KAT6B: variants seen among roughly 807,000 people sequenced by gnomAD.
KAT6B encodes the protein lysine acetyltransferase 6B, also known as histone acetyltransferase KAT6B.
Under a neutral mutation model 187.5 loss-of-function variants are expected in KAT6B, and 10 were observed. The observed-to-expected ratio is 0.05, with a 90% CI of 0.03 to 0.09. KAT6B has a LOEUF of 0.09. KAT6B is among the 10% of genes least tolerant of loss of function. The pLI is 1.00. For missense variants in KAT6B, 1,952 were observed against 2,558.9 expected (o/e 0.76, Z 5.12); for synonymous variants, 861 against 926.8 (o/e 0.93, Z 1.29).
intron 3 of KAT6B, among the ~76,000 whole-genome samples, chr10:74,898,491 C>T (rs1846142633): frequency 6.6e-6 from 1 of 151,850 alleles, no homozygotes; most frequent in South Asian, 2.1e-4. Context: ...TACTCTGTTG[C>T]TCAAGGCTGG....
intron 3 of KAT6B, among the ~76,000 whole-genome samples, chr10:74,862,234 CAGG>C: frequency 6.6e-6 from 1 of 152,270 alleles, no homozygotes; most frequent in East Asian, 1.9e-4. Flanking sequence ...TTTAGAGTTG[CAGG>C]AGATCTTTGA....
chr10:74,866,009 G>C (rs1843527582), intron 3 of KAT6B, among the ~76,000 whole-genome samples: 2 of 152,046 alleles, frequency 1.3e-5, no homozygotes, highest in Admixed American at 6.6e-5. Context: ...CACACATACA[G>C]AGGGCTGATT....
chr10:74,920,763 C>T (rs1004889015), intron 3 of KAT6B, among the ~76,000 whole-genome samples: 3 of 152,038 alleles, frequency 2.0e-5, no homozygotes, highest in African/African-American at 7.2e-5. Flanking sequence ...CCTTTTCGTT[C>T]GTAAGACTGC....
intron 6 of KAT6B, among the ~76,000 whole-genome samples, chr10:74,972,081 T>G (rs983698190): frequency 1.3e-5 from 2 of 152,152 alleles, no homozygotes; most frequent in African/African-American, 4.8e-5. Context: ...TATTTTATAC[T>G]GATAATTTTT....
rs1406309303 is a variant in KAT6B, at chr10:75,028,907, G to A, written c.4083G>A (p.Glu1361=). The A allele has an allele frequency of 6.4e-7, 1 of 1,573,712 alleles. No homozygotes were observed. The highest frequency in any genetic ancestry group is 8.7e-7 in the Non-Finnish European group (1 of 1,145,714). ...EEEEEEEEEE[E]EEEEEEEGEE... ...AGGAAGAGGAGGAGGAGGAGGAAGA[G>A]GAAGAAGAGGAAGAAGAGGAAGGGG... Residue 1361 remains glutamate (E), a synonymous_variant, in exon 18 of 18, where the codon GAG becomes GAA. Coordinates refer to ENST00000287239, the MANE Select transcript of KAT6B (RefSeq NM_012330.4).
intron 3 of KAT6B, among the ~76,000 whole-genome samples, chr10:74,870,952 A>C (rs1305739023): frequency 1.3e-5 from 2 of 148,476 alleles, no homozygotes; most frequent in African/African-American, 5.0e-5. Flanking sequence ...ATCTCGGCTC[A>C]CTGCAACCTC....
intron 3 of KAT6B, among the ~76,000 whole-genome samples, chr10:74,878,804 G>A (rs1007204117): frequency 1.3e-5 from 2 of 152,130 alleles, no homozygotes; most frequent in African/African-American, 4.8e-5. Context: ...GTTATGGTGA[G>A]TGGTGTCTGG....
At chr10:75,022,353 C>A in intron 16 of KAT6B, 122 bp downstream of exon 16, 2 of 1,056,120 alleles carry the variant, frequency 1.9e-6, no homozygotes, top group Non-Finnish European at 3.0e-6. Flanking sequence ...TATGTGTACC[C>A]AGTCCCGCTG....
At chr10:74,903,178 A>G (rs150655374) in intron 3 of KAT6B, among the ~76,000 whole-genome samples, 230 of 152,296 alleles carry the variant, frequency 1.5e-3, no homozygotes, top group African/African-American at 4.9e-3. Flanking sequence ...GGTGGCATTC[A>G]TTACCTTGTC....
intron 13 of KAT6B, among the ~76,000 whole-genome samples, chr10:74,997,375 A>G (rs1843511703): frequency 6.6e-6 from 1 of 152,138 alleles, no homozygotes; most frequent in Admixed American, 6.5e-5. Context: ...ACATGTGCCA[A>G]CCCCTTTCCT....
At chr10:74,961,333 A>C (rs1283365642) in intron 4 of KAT6B, among the ~76,000 whole-genome samples, 1 of 152,106 alleles carries the variant, frequency 6.6e-6, no homozygotes, top group African/African-American at 2.4e-5. Flanking sequence ...TGAATGAATT[A>C]TTCTTTTGTG....
intron 3 of KAT6B, among the ~76,000 whole-genome samples, chr10:74,883,838 T>C (rs943515531): frequency 6.6e-6 from 1 of 152,214 alleles, no homozygotes; most frequent in Non-Finnish European, 1.5e-5. Context: ...TATGTGCTTC[T>C]TAGCCCTCTC....
At chr10:75,023,569 A>C (rs1845596821) in intron 16 of KAT6B, 1 of 152,228 alleles carries the variant, frequency 6.6e-6, no homozygotes, top group Non-Finnish European at 1.5e-5. Context: ...GGCTTCCCTC[A>C]TATTAGGGAA....
chr10:75,008,964 A>G (rs766123834), intron 13 of KAT6B, among the ~76,000 whole-genome samples: 2 of 152,206 alleles, frequency 1.3e-5, no homozygotes, highest in Non-Finnish European at 2.9e-5. Context: ...CTCAATCTCC[A>G]TTCTCCTGCA....
At chr10:74,929,254 G>A (rs1405865333) in intron 3 of KAT6B, among the ~76,000 whole-genome samples, 3 of 152,102 alleles carry the variant, frequency 2.0e-5, no homozygotes, top group Non-Finnish European at 2.9e-5. Context: ...TAATCAGAAT[G>A]TCTGATTTAT....
Position 75,028,563 on chromosome 10 carries a change from G to A in KAT6B, c.3739G>A (p.Val1247Met), listed in dbSNP as rs1452765240. The A allele has an allele frequency of 1.9e-6, 3 of 1,614,050 alleles. No homozygotes were observed. The highest frequency in any genetic ancestry group is 2.5e-6 in the Non-Finnish European group (3 of 1,180,044). Residue 1247 changes from valine (V) to methionine (M), a missense_variant, in exon 18 of 18, where the codon GTG (valine) becomes ATG (methionine). This residue lies in a region of KAT6B where 758 missense variants were observed against 891.4 expected (regional missense o/e 0.85). Transcript: ENST00000287239. ...TCCCGAACCTCTAAAGTGCAAACAA[G>A]TGTGGCCAAAAGGAACAAAGCGCGG... Reference protein sequence around the residue: ...DNPEPLKCKQVWPKGTKRGLS... With the variant: ...DNPEPLKCKQMWPKGTKRGLS...
Position 74,843,425 on chromosome 10 carries a change from G to C in KAT6B, c.568G>C (p.Ala190Pro). The change falls in exon 3 of 18, where the codon GCA (alanine) becomes CCA (proline). Residue 190 changes from alanine (A) to proline (P), a missense_variant. Physicochemically the swap from Ala to Pro is conservative, Grantham distance 27. Coordinates refer to ENST00000287239, the MANE Select transcript of KAT6B (RefSeq NM_012330.4). ...DGKGAPQYPS[A>P]FPSSLPPVSL... Reference sequence around the variant, plus strand: ...CAAAGGGGCACCTCAGTATCCCAGTGCATTCCCATCCTCGCTCCCACCTGT... The same window carrying C: ...CAAAGGGGCACCTCAGTATCCCAGTCCATTCCCATCCTCGCTCCCACCTGT... 6.2e-7 allele frequency: 1 copy of C among 1,614,056 alleles called. No individual in the cohort carries two copies. The highest frequency in any genetic ancestry group is 1.1e-5 in the South Asian group (1 of 91,078).
intron 3 of KAT6B, among the ~76,000 whole-genome samples, chr10:74,858,565 G>T (rs1163059131): frequency 6.6e-6 from 1 of 150,924 alleles, no homozygotes; most frequent in East Asian, 2.0e-4. Flanking sequence ...AGTGAGAGCC[G>T]CTATGCCTGG....
At chr10:74,898,271 G>C (rs919619624) in intron 3 of KAT6B, among the ~76,000 whole-genome samples, 1 of 152,182 alleles carries the variant, frequency 6.6e-6, no homozygotes, top group African/African-American at 2.4e-5. Flanking sequence ...GCTTTGGACT[G>C]AGCTGCTGCT....
Sources: gnomAD v4.1 joint callset for allele counts (sites outside exome capture counted in the v4.1 genomes callset) on GRCh38, gnomAD v4.1.1 for gene constraint, gnomAD v4.1.1 regional missense constraint, MANE v1.5 for transcripts, NCBI Gene and HGNC (gene_info 2026-07-23, HGNC 2026-07-21) for gene names.